The following GRIP2 variants were observed in gnomAD, a reference collection of about 807,000 sequenced individuals.
The protein encoded by GRIP2 is glutamate receptor interacting protein 2.
A neutral mutation model predicts 108.3 loss-of-function variants in GRIP2; 58 were observed. The observed-to-expected ratio is 0.54, with a 90% confidence interval of 0.43 to 0.67. The LOEUF is 0.67. Among genes scored for constraint, GRIP2 ranks in the 30% least tolerant of loss-of-function variants. The probability of loss-of-function intolerance (pLI) is 0.00; values close to 1 mark genes in which losing one functional copy is unlikely to be tolerated. For synonymous variants in GRIP2, 586 were observed against 598.2 expected, an observed-to-expected ratio of 0.98 and a Z score of 0.30; for missense variants, 1,278 against 1,430.6, an observed-to-expected ratio of 0.89 and a Z score of 1.72.
chr3:14,517,787 G>C lies in GRIP2; in HGVS notation c.1141C>G (p.Gln381Glu). The change falls in exon 10 of 24, where the codon CAG (glutamine) becomes GAG (glutamate). Residue 381 changes from glutamine to glutamate, a missense_variant. Transcript: ENST00000621039. ...GGCACATTACATCGGCTTTGGTCCT[G>C]GCCAGCAGGTGTGGCCCAGGTGGGC... The part of the protein sequence containing the change: ...RMPTWATPAG[Q>E]DQSRSLSSTP... The C allele has an allele frequency of 6.2e-7, 1 of 1,609,696 alleles. No homozygotes were observed. Among genetic ancestry groups the C allele is most frequent in the South Asian group, 1.1e-5 (1 of 89,998 alleles).
chr3:14,588,932 G>A, the GRIP2 span, among the ~76,000 whole-genome samples: 1 of 152,138 alleles, frequency 6.6e-6, no homozygotes, highest in East Asian at 1.9e-4. Context: ...CTCACACCCA[G>A]CCCCCCAAAA....
intron 1 of GRIP2, among the ~76,000 whole-genome samples, chr3:14,530,122 A>T (rs1185843822): frequency 6.6e-6 from 1 of 152,254 alleles, no homozygotes; most frequent in Non-Finnish European, 1.5e-5. Context: ...CTGGAGGCTG[A>T]GTTGAGACAG....
At chr3:14,560,209 G>A (rs545859849), upstream of GRIP2, among the ~76,000 whole-genome samples, 24 of 152,180 alleles carry the variant, frequency 1.6e-4, no homozygotes, top group Middle Eastern at 3.4e-3. Flanking sequence ...ATCTCTGATC[G>A]TAGCACTGCA....
chr3:14,587,432 A>G, the GRIP2 span, among the ~76,000 whole-genome samples: 1 of 152,042 alleles, frequency 6.6e-6, no homozygotes, highest in Non-Finnish European at 1.5e-5. Context: ...GGAGTTCGAG[A>G]CCAGCCGGGC....
chr3:14,494,226 T>C (rs1186918696), intron 23 of GRIP2, among the ~76,000 whole-genome samples: 1 of 152,224 alleles, frequency 6.6e-6, no homozygotes, highest in East Asian at 1.9e-4. Context: ...TCACTCCTAA[T>C]GGAGACAAAA....
chr3:14,514,211 T>C (rs1694180002), intron 12 of GRIP2, 81 bp downstream of exon 12: 4 of 1,276,202 alleles, frequency 3.1e-6, no homozygotes, highest in Non-Finnish European at 4.3e-6. Flanking sequence ...TGAGATGCGC[T>C]TGTGAAGCTA....
At chr3:14,545,176 G>T (rs1211375617), upstream of GRIP2, among the ~76,000 whole-genome samples, 4 of 152,238 alleles carry the variant, frequency 2.6e-5, no homozygotes, top group Non-Finnish European at 5.9e-5. Context: ...CATAATCGGA[G>T]CAGAGACTCC....
At chr3:14,574,070 C>G in the GRIP2 span, 1 of 1,485,382 alleles carries the variant, frequency 6.7e-7, no homozygotes, top group East Asian at 2.3e-5. Context: ...ACTTGACGTT[C>G]TCGTAGACCC....
At chr3:14,543,088 C>T (rs1695003145), upstream of GRIP2, among the ~76,000 whole-genome samples, 1 of 152,178 alleles carries the variant, frequency 6.6e-6, no homozygotes, top group Non-Finnish European at 1.5e-5. Flanking sequence ...AAGGAAAAAG[C>T]CATTGCACGC....
intron 20 of GRIP2, chr3:14,503,941 T>C (rs1215387791): frequency 2.1e-6 from 1 of 479,716 alleles, no homozygotes; most frequent in Non-Finnish European, 3.8e-6. Flanking sequence ...TGGAGAGCGG[T>C]GACACAGGAT....
chr3:14,585,996 A>G, the GRIP2 span, among the ~76,000 whole-genome samples: 1 of 152,166 alleles, frequency 6.6e-6, no homozygotes, highest in East Asian at 1.9e-4. Flanking sequence ...CACCCCGGCT[A>G]AGCTCTCTGC....
At chr3:14,600,366 G>T in the GRIP2 span, among the ~76,000 whole-genome samples, 1 of 152,180 alleles carries the variant, frequency 6.6e-6, no homozygotes, top group African/African-American at 2.4e-5. Flanking sequence ...CCGCGAGGCT[G>T]CCCCTCCAAC....
At chr3:14,575,212 T>C in the GRIP2 span, among the ~76,000 whole-genome samples, 1 of 152,240 alleles carries the variant, frequency 6.6e-6, no homozygotes, top group Admixed American at 6.5e-5. Context: ...ATATATTTTA[T>C]AATTTTAACT....
chr3:14,586,797 A>G, the GRIP2 span, among the ~76,000 whole-genome samples: 1 of 152,248 alleles, frequency 6.6e-6, no homozygotes, highest in Non-Finnish European at 1.5e-5. Flanking sequence ...TTGATGTCCA[A>G]CCATGGGGGA....
At chr3:14,574,129 C>T in the GRIP2 span, 14 of 985,332 alleles carry the variant, frequency 1.4e-5, no homozygotes, top group African/African-American at 1.7e-4. Context: ...GAGAAGTCCA[C>T]GGGCACGATG....
At chr3:14,513,535 A>G (rs146765205) in intron 13 of GRIP2, 130 bp downstream of exon 13, 18,061 of 1,238,178 alleles carry the variant, frequency 0.015, 147 homozygotes, top group East Asian at 0.029. Context: ...ATAAGCTGCA[A>G]AGCCCCTGGG....
At chr3:14,508,433 A>C (rs1249193635) in intron 17 of GRIP2, among the ~76,000 whole-genome samples, 1 of 152,262 alleles carries the variant, frequency 6.6e-6, no homozygotes, top group African/African-American at 2.4e-5. Context: ...AAGCTGTAGC[A>C]GGTGCTTAGA....
intron 1 of GRIP2, among the ~76,000 whole-genome samples, chr3:14,533,175 G>A (rs1350678263): frequency 2.6e-5 from 4 of 152,196 alleles, no homozygotes; most frequent in African/African-American, 4.8e-5. Flanking sequence ...TTCCTAATAC[G>A]CACTTCATTT....
rs1694138968 is a variant in GRIP2 at position 14,512,901 on chromosome 3, G to A, written c.1640-44C>T. ...AAACCGACGTGAGGACCCAGAGGAG[G>A]AGCCTCAGCGAACCCCAGCCCCATG... On this transcript the variant is annotated intron_variant, in intron 13 of 23. Transcript: ENST00000621039. The surrounding 1 kb of genome is among the most constrained non-coding windows in gnomAD (Gnocchi z 5.1). 6.4e-7 allele frequency: 1 copy of A among 1,571,946 alleles called. No individual in the cohort carries two copies. Among genetic ancestry groups the A allele is most frequent in the Non-Finnish European group, 8.8e-7 (1 of 1,141,942 alleles).
Sources: allele counts gnomAD v4.1 joint callset (sites outside exome capture counted in the v4.1 genomes callset), GRCh38; gene constraint gnomAD v4.1.1; non-coding constraint Gnocchi (gnomAD v3.1); transcripts MANE v1.5; gene names NCBI Gene and HGNC (gene_info 2026-07-23, HGNC 2026-07-21).